TNRC6A: variants seen among roughly 807,000 people sequenced by gnomAD.
TNRC6A encodes the protein trinucleotide repeat-containing gene 6A protein.
TNRC6A carries 44 observed loss-of-function variants against 221.2 expected under a neutral mutation model. The observed-to-expected ratio is 0.20, with a 90% CI of 0.16 to 0.26. The LOEUF (loss-of-function observed/expected upper bound fraction) is 0.26, where lower values mean the gene tolerates loss of function less well. TNRC6A is among the 10% of genes least tolerant of loss of function. The pLI is 1.00. For missense variants in TNRC6A, 2,199 were observed against 2,404.4 expected (o/e 0.91, Z 1.79); for synonymous variants, 847 against 838.5 (o/e 1.01, Z -0.18).
At chr16:24,694,983 G>A (rs757259757) in intron 2 of TNRC6A, among the ~76,000 whole-genome samples, 60 of 152,120 alleles carry the variant, frequency 3.9e-4, no homozygotes, top group Non-Finnish European at 7.1e-4. Context: ...CCCTCTGATG[G>A]CTGAGCTGAA....
In TNRC6A at chr16:24,777,127, C is replaced by T; in HGVS notation, c.358C>T (p.Gln120Ter). 1 of 1,612,164 alleles carries T rather than the reference C, an allele frequency of 6.2e-7. No individual in the cohort carries two copies. The highest frequency in any genetic ancestry group is 8.5e-7 in the Non-Finnish European group (1 of 1,179,278). The change falls in exon 5 of 25, where the codon CAG (glutamine) becomes TAG (stop). Residue 120 changes from glutamine to a stop codon, truncating the protein, a stop_gained. Coordinates refer to ENST00000395799, the MANE Select transcript of TNRC6A (RefSeq NM_014494.4). LOFTEE classifies it high-confidence loss of function. ...GCAGCCACAGCCGCAGCCGCAGCAG[C>T]AGCAGCCACAGCAGCAGCCACAGGC... ...QQQPQPQPQQQQPQQQPQALP... is the reference protein window; with the variant it reads ...QQQPQPQPQQ
At chr16:24,746,555 ATTGATTGG>A (rs2057014922) in intron 2 of TNRC6A, among the ~76,000 whole-genome samples, 1 of 152,066 alleles carries the variant, frequency 6.6e-6, no homozygotes, top group Non-Finnish European at 1.5e-5. Context: ...ACTTTTCCCT[ATTGATTGG>A]TTTTTGGTTA....
intron 2 of TNRC6A, among the ~76,000 whole-genome samples, chr16:24,642,680 C>T (rs1902013903): frequency 6.6e-6 from 1 of 151,934 alleles, no homozygotes; most frequent in Non-Finnish European, 1.5e-5. Flanking sequence ...ATTAGCCAGG[C>T]ATGGTGGCAC....
chr16:24,817,014 T>C (rs1476977114), intron 20 of TNRC6A, 58 bp downstream of exon 20: 5 of 1,546,140 alleles, frequency 3.2e-6, no homozygotes, highest in East Asian at 2.3e-5. Flanking sequence ...TAAGAATGGC[T>C]CATGTAGTAC....
At chr16:24,758,892 G>A (rs376324315) in intron 4 of TNRC6A, among the ~76,000 whole-genome samples, 12 of 151,884 alleles carry the variant, frequency 7.9e-5, no homozygotes, top group East Asian at 3.9e-4. Context: ...AAAAGACATC[G>A]GAGTGATAAG....
Position 24,804,811 on chromosome 16 carries a change from T to C in TNRC6A, c.3944T>C (p.Ile1315Thr). 1 of 1,612,556 alleles carries C rather than the reference T, an allele frequency of 6.2e-7. No homozygotes were observed. The highest frequency in any genetic ancestry group is 8.5e-7 in the Non-Finnish European group (1 of 1,179,662). ...SALPNQALGS[I>T]AGLGMQNLNS... ...CTACCTAACCAGGCCCTTGGCTCCA[T>C]AGCAGGGCTGGGTATGCAAAACTTG... Residue 1315 changes from isoleucine (I) to threonine (T), a missense_variant, in exon 13 of 25, where the codon ATA becomes ACA. Ile to Thr is a moderately conservative substitution (Grantham distance 89). Coordinates refer to ENST00000395799, the MANE Select transcript of TNRC6A (RefSeq NM_014494.4).
chr16:24,635,474 G>T (rs567821113), intron 1 of TNRC6A, among the ~76,000 whole-genome samples: 43 of 152,002 alleles, frequency 2.8e-4, no homozygotes, highest in African/African-American at 9.4e-4. Context: ...GTACAGACAG[G>T]GTTTCACCAT....
chr16:24,808,011 G>C (rs2058469878), intron 17 of TNRC6A, among the ~76,000 whole-genome samples: 1 of 152,214 alleles, frequency 6.6e-6, no homozygotes, highest in Admixed American at 6.5e-5. Flanking sequence ...ATTGTACTTT[G>C]AGTCCTTAGG....
intron 1 of TNRC6A, among the ~76,000 whole-genome samples, chr16:24,640,601 C>T (rs370602139): frequency 4.0e-5 from 6 of 151,358 alleles, no homozygotes; most frequent in East Asian, 1.9e-4. Context: ...TGGTGGTGCA[C>T]GCCTTTGGTC....
In TNRC6A at chr16:24,823,161, C is replaced by T. The variant is rs191561176; in HGVS notation, c.5513+148C>T. 2.4e-5 allele frequency: 29 copies of T among 1,220,172 alleles called. No individual in the cohort carries two copies. Among genetic ancestry groups the T allele is most frequent in the African/African-American group, 1.5e-4 (10 of 66,784 alleles). The allele number at this position is 1,220,172 out of a possible 1,614,324, so 75.6% of individuals were successfully genotyped here. On this transcript the variant is annotated intron_variant, in intron 24 of 24. Transcript: ENST00000395799. This position sits in a 1 kb window ranked among gnomAD's most constrained non-coding sequence, Gnocchi z 4.3. ...TGATTCCAAGGTCGGCATTCCTAAG[C>T]GGGGAATCAGACCTGGCTAGATGGC... is the stretch of plus-strand genomic sequence containing the variant.
At chr16:24,644,155 T>C (rs906226269) in intron 2 of TNRC6A, among the ~76,000 whole-genome samples, 6 of 142,002 alleles carry the variant, frequency 4.2e-5, no homozygotes, top group Non-Finnish European at 9.1e-5. Context: ...GGCGCGATCT[T>C]GGCTCACTGC....
chr16:24,651,553 A>C (rs1473684882), intron 2 of TNRC6A, among the ~76,000 whole-genome samples: 5,543 of 147,394 alleles, frequency 0.038, 479 homozygotes, highest in African/African-American at 0.13. Flanking sequence ...AAAAAAAAAA[A>C]AAAAAAAAAA....
chr16:24,653,250 GAC>G (rs1902767486), intron 2 of TNRC6A, among the ~76,000 whole-genome samples: 3 of 152,140 alleles, frequency 2.0e-5, no homozygotes, highest in Non-Finnish European at 4.4e-5. Context: ...CCTCAGAAAA[GAC>G]AACCACGATG....
At chr16:24,753,060 T>G (rs2057172257) in intron 3 of TNRC6A, among the ~76,000 whole-genome samples, 1 of 152,206 alleles carries the variant, frequency 6.6e-6, no homozygotes. Flanking sequence ...ATCTTTACAT[T>G]CTTGTATAAT....
chr16:24,677,619 A>T (rs2055446059), intron 2 of TNRC6A, among the ~76,000 whole-genome samples: 1 of 152,184 alleles, frequency 6.6e-6, no homozygotes, highest in Admixed American at 6.6e-5. Context: ...ACAGTGCGTG[A>T]ATTACATAGC....
intron 11 of TNRC6A, among the ~76,000 whole-genome samples, chr16:24,802,393 G>C (rs747648168): frequency 6.6e-6 from 1 of 152,040 alleles, no homozygotes; most frequent in Non-Finnish European, 1.5e-5. Context: ...ACAAAAAAAT[G>C]CAAAAATTAG....
chr16:24,648,772 G>A (rs746556140), intron 2 of TNRC6A, among the ~76,000 whole-genome samples: 9 of 152,134 alleles, frequency 5.9e-5, no homozygotes, highest in Admixed American at 1.3e-4. Flanking sequence ...CATGTGCTTC[G>A]TTAGTTCTTT....
intron 2 of TNRC6A, among the ~76,000 whole-genome samples, chr16:24,674,152 C>T (rs2055360984): frequency 1.3e-5 from 2 of 152,094 alleles, no homozygotes; most frequent in African/African-American, 2.4e-5. Context: ...CTCACTGTAG[C>T]CTTGACCTCC....
At chr16:24,668,851 G>A (rs777552862) in intron 2 of TNRC6A, among the ~76,000 whole-genome samples, 26 of 152,186 alleles carry the variant, frequency 1.7e-4, no homozygotes, top group Non-Finnish European at 2.9e-4. Flanking sequence ...GTGCTAGTGT[G>A]CCTTTAACAC....
Sources: gnomAD v4.1 joint callset for allele counts (sites outside exome capture counted in the v4.1 genomes callset) on GRCh38, gnomAD v4.1.1 for gene constraint, Gnocchi (gnomAD v3.1) non-coding constraint, MANE v1.5 for transcripts, NCBI Gene and HGNC (gene_info 2026-07-23, HGNC 2026-07-21) for gene names.